Variants in FAT3 observed in about 807,000 individuals in gnomAD.
FAT3 encodes the protein FAT atypical cadherin 3.
A neutral mutation model predicts 310.2 loss-of-function variants in FAT3; 95 were observed. The observed-to-expected ratio is 0.31, with a 90% CI of 0.26 to 0.36. The LOEUF (loss-of-function observed/expected upper bound fraction) is 0.36, where lower values mean the gene tolerates loss of function less well. Ranked by LOEUF, FAT3 falls within the 10% of genes least tolerant of loss-of-function variation. The pLI is 1.00. For missense variants in FAT3, 5,408 were observed against 5,715.6 expected (o/e 0.95, Z 1.74); for synonymous variants, 2,314 against 2,192.9 (o/e 1.06, Z -1.54).
chr11:92,802,554 T>C, intron 10 of FAT3, among the ~76,000 whole-genome samples: 1 of 152,196 alleles, frequency 6.6e-6, no homozygotes, highest in East Asian at 1.9e-4. Context: ...AAAATGTCAC[T>C]GTTGCCCTGA....
chr11:92,380,453 T>G (rs1949466700), intron 2 of FAT3, among the ~76,000 whole-genome samples: 1 of 152,208 alleles, frequency 6.6e-6, no homozygotes, highest in South Asian at 2.1e-4. Context: ...CTTTTGTTTT[T>G]GTTTGAACGC....
At chr11:92,729,297 A>G (rs1272442075) in intron 4 of FAT3, among the ~76,000 whole-genome samples, 1 of 152,188 alleles carries the variant, frequency 6.6e-6, no homozygotes, top group South Asian at 2.1e-4. Flanking sequence ...GGCTACATGC[A>G]GGAAAACAGC....
chr11:92,873,428 G>A (rs1442997157), intron 22 of FAT3, among the ~76,000 whole-genome samples: 1 of 152,214 alleles, frequency 6.6e-6, no homozygotes, highest in Non-Finnish European at 1.5e-5. Context: ...TTCCACCTTT[G>A]TGCAGCAGGC....
chr11:92,805,569 CAAAAA>C (rs34229613), intron 11 of FAT3, among the ~76,000 whole-genome samples: 1 of 131,114 alleles, frequency 7.6e-6, no homozygotes, highest in African/African-American at 3.1e-5. Flanking sequence ...CTGCCCCCAA[CAAAAA>C]AAAAAAAAAG....
intron 3 of FAT3, among the ~76,000 whole-genome samples, chr11:92,643,899 T>C (rs929544614): frequency 3.3e-5 from 5 of 152,046 alleles, no homozygotes; most frequent in Non-Finnish European, 5.9e-5. Context: ...AATTGCCTCA[T>C]GTGATTTATC....
chr11:92,882,649 T>C (rs898587146), intron 23 of FAT3, 89 bp from the exon 24 acceptor site: 1 of 1,329,434 alleles, frequency 7.5e-7, no homozygotes, highest in Non-Finnish European at 1.0e-6. Flanking sequence ...TCGTTTTCTT[T>C]TAAAGATGTC....
At chr11:92,878,757 G>A (rs192113100) in intron 22 of FAT3, among the ~76,000 whole-genome samples, 32 of 143,390 alleles carry the variant, frequency 2.2e-4, no homozygotes, top group Admixed American at 1.9e-3. Context: ...AAAAAGTAAA[G>A]CAAAACCTCA....
chr11:92,307,777 T>C (rs1158643062), intron 1 of FAT3, among the ~76,000 whole-genome samples: 1 of 152,164 alleles, frequency 6.6e-6, no homozygotes, highest in Non-Finnish European at 1.5e-5. Context: ...CCCTCATTCC[T>C]GTCACTTATT....
At chr11:92,705,853 T>TGG (rs1565527830) in intron 4 of FAT3, among the ~76,000 whole-genome samples, 14 of 8,872 alleles carry the variant, frequency 1.6e-3, no homozygotes, top group Admixed American at 0.015. Flanking sequence ...GTGATGGTGG[T>TGG]AGTGATGGTG....
chr11:92,708,236 T>TTTTTGGGAGTGTTAAA (rs1944415941), intron 4 of FAT3, among the ~76,000 whole-genome samples: 2 of 152,338 alleles, frequency 1.3e-5, no homozygotes, highest in South Asian at 4.1e-4. Flanking sequence ...GGTTGTTTAA[T>TTTTTGGGAGTGTTAAA]TTTTGGGAGT....
intron 13 of FAT3, among the ~76,000 whole-genome samples, chr11:92,821,064 C>T (rs1354918272): frequency 6.6e-6 from 1 of 152,156 alleles, no homozygotes; most frequent in Non-Finnish European, 1.5e-5. Context: ...ATTGGCTGCT[C>T]CTTGTTGCTA....
Position 92,364,233 on chromosome 11 carries a change from T to A in FAT3, c.3292+8829T>A, listed in dbSNP as rs573631452. 4.9e-4 allele frequency among the ~76,000 whole-genome samples: 75 copies of A among 152,338 alleles called. 2 individuals are homozygous for A. In the South Asian group the frequency reaches 0.011, roughly 23 times the overall value. ...TTTAATAATAGACATTTTCAATGGC[T>A]TACCGGCCCATCAGGTCAGGGTCCT... On this transcript the variant is annotated intron_variant, in intron 2 of 27. Coordinates refer to ENST00000525166, the MANE Select transcript of FAT3 (RefSeq NM_001367949.2).
chr11:92,648,288 A>G (rs1024409672), intron 3 of FAT3, among the ~76,000 whole-genome samples: 3 of 152,212 alleles, frequency 2.0e-5, no homozygotes, highest in Non-Finnish European at 4.4e-5. Context: ...AAGAAAAACT[A>G]TAGTCATTGA....
intron 7 of FAT3, among the ~76,000 whole-genome samples, chr11:92,776,085 A>T (rs1946590737): frequency 6.6e-6 from 1 of 152,212 alleles, no homozygotes; most frequent in Non-Finnish European, 1.5e-5. Context: ...TTCAACCTTG[A>T]CTTCTTAGTG....
chr11:92,493,102 C>A (rs1952655845), intron 2 of FAT3, among the ~76,000 whole-genome samples: 1 of 152,046 alleles, frequency 6.6e-6, no homozygotes, highest in Non-Finnish European at 1.5e-5. Context: ...TAAGTCTAGT[C>A]AAGACGTTTC....
intron 2 of FAT3, among the ~76,000 whole-genome samples, chr11:92,370,585 AAC>A (rs1188466409): frequency 3.9e-5 from 6 of 152,242 alleles, no homozygotes; most frequent in South Asian, 4.1e-4. Flanking sequence ...TTGAAATAAA[AAC>A]AGTTATTAAA....
intron 2 of FAT3, among the ~76,000 whole-genome samples, chr11:92,358,602 T>C (rs1948797802): frequency 6.6e-6 from 1 of 152,192 alleles, no homozygotes; most frequent in African/African-American, 2.4e-5. Context: ...CTTAACCATC[T>C]TTCTTTCTCT....
intron 3 of FAT3, among the ~76,000 whole-genome samples, chr11:92,580,553 T>G (rs1350637417): frequency 6.6e-6 from 1 of 152,130 alleles, no homozygotes; most frequent in Admixed American, 6.6e-5. Flanking sequence ...GTTCTCTGTC[T>G]TATCTTTAAT....
rs1219878499 is a variant in FAT3 at position 92,411,111 on chromosome 11, A to AT, written c.3292+55707_3292+55708insT. ...ATAGATTATATATATTATATATAAAAATATATATATTTATATATTATATAT... is the reference window on the plus strand; with the variant it reads ...ATAGATTATATATATTATATATAAAATATATATATATTTATATATTATATAT... On this transcript the variant is annotated intron_variant, in intron 2 of 27. Transcript: ENST00000525166. Among the ~76,000 whole-genome samples, 101 of 35,030 alleles carry AT rather than the reference A, an allele frequency of 2.9e-3. No individual in the cohort carries two copies. The East Asian group carries it at 0.042, about 15-fold the overall frequency. The allele number at this position is 35,030 out of a possible 152,430, so 23.0% of individuals were successfully genotyped here. A position where few individuals can be genotyped will look rare whatever the true frequency, so the allele number is the denominator to read the frequency against.
Sources: gnomAD v4.1 joint callset for allele counts (sites outside exome capture counted in the v4.1 genomes callset) on GRCh38, gnomAD v4.1.1 for gene constraint, MANE v1.5 for transcripts, NCBI Gene and HGNC (gene_info 2026-07-23, HGNC 2026-07-21) for gene names.